Variants in SPPL3 observed in about 807,000 individuals in gnomAD.
SPPL3 encodes signal peptide peptidase-like 3.
A neutral mutation model predicts 42.4 loss-of-function variants in SPPL3; 5 were observed. That is an observed-to-expected ratio of 0.12 (90% confidence interval 0.06 to 0.25). The LOEUF (loss-of-function observed/expected upper bound fraction) is 0.25. Among genes scored for constraint, SPPL3 ranks in the 10% least tolerant of loss-of-function variants. The probability of loss-of-function intolerance (pLI) is 1.00; values close to 1 mark genes in which losing one functional copy is unlikely to be tolerated. For synonymous variants in SPPL3, 195 were observed against 181.8 expected (o/e 1.07, Z -0.58); for missense variants, 235 against 489.0 (o/e 0.48, Z 4.90).
rs113810051 is a variant in SPPL3 at position 120,775,016 on chromosome 12, A to G, written c.503-5957T>C. 4.1e-3 allele frequency among the ~76,000 whole-genome samples: 628 copies of G among 152,336 alleles called. 6 individuals are homozygous for G. Among genetic ancestry groups the G allele is most frequent in the African/African-American group, 0.014 (589 of 41,578 alleles). On this transcript the variant is annotated intron_variant, in intron 6 of 10. Coordinates refer to ENST00000353487, the MANE Select transcript of SPPL3 (RefSeq NM_139015.5). ...GTGAGTCAGGGACAAAGACAGTGACACCAAACCGAGCTCAAATGTTCTCTA... is the reference window on the plus strand; with the variant it reads ...GTGAGTCAGGGACAAAGACAGTGACGCCAAACCGAGCTCAAATGTTCTCTA...
At chr12:120,892,975 C>G (rs1228509666) in intron 1 of SPPL3, among the ~76,000 whole-genome samples, 2 of 88,406 alleles carry the variant, frequency 2.3e-5, no homozygotes, top group Non-Finnish European at 4.4e-5. Context: ...GAGCAAGACT[C>G]TGTCTCGGGA....
intron 1 of SPPL3, among the ~76,000 whole-genome samples, chr12:120,893,310 C>T (rs947492560): frequency 2.6e-5 from 4 of 151,824 alleles, no homozygotes; most frequent in African/African-American, 9.7e-5. Flanking sequence ...ATTATCCAGG[C>T]GTGGCGGCGG....
At chr12:120,765,729 T>G (rs1022900463) in intron 10 of SPPL3, among the ~76,000 whole-genome samples, 3 of 151,552 alleles carry the variant, frequency 2.0e-5, no homozygotes, top group Non-Finnish European at 4.4e-5. Context: ...AGGGCTTTTA[T>G]CAACTCTCTA....
chr12:120,898,816 G>A (rs1267340542), intron 1 of SPPL3, among the ~76,000 whole-genome samples: 6 of 152,206 alleles, frequency 3.9e-5, no homozygotes, highest in East Asian at 3.9e-4. Flanking sequence ...AGCAATGCTC[G>A]TAAAACTCTA....
chr12:120,891,978 C>T (rs897855867), intron 1 of SPPL3, among the ~76,000 whole-genome samples: 9 of 152,134 alleles, frequency 5.9e-5, no homozygotes, highest in Admixed American at 5.2e-4. Context: ...CTTTCTTTCT[C>T]TAGGTGTTGT....
At chr12:120,804,850 G>A (rs1430487141) in intron 2 of SPPL3, among the ~76,000 whole-genome samples, 3 of 152,092 alleles carry the variant, frequency 2.0e-5, no homozygotes, top group African/African-American at 7.2e-5. Context: ...CAACCCAAAC[G>A]TCTATCAGCC....
intron 1 of SPPL3, among the ~76,000 whole-genome samples, chr12:120,836,586 T>C (rs1871629310): frequency 6.6e-6 from 1 of 152,024 alleles, no homozygotes; most frequent in African/African-American, 2.4e-5. Flanking sequence ...ATCTGAAGAA[T>C]CATGAGCAAA....
intron 1 of SPPL3, among the ~76,000 whole-genome samples, chr12:120,846,135 A>AT (rs1872033536): frequency 6.6e-6 from 1 of 152,032 alleles, no homozygotes; most frequent in Admixed American, 6.6e-5. Flanking sequence ...GTCATTACTG[A>AT]TATTTTTTTT....
chr12:120,870,216 C>T (rs1039885760), intron 1 of SPPL3, among the ~76,000 whole-genome samples: 4 of 152,084 alleles, frequency 2.6e-5, no homozygotes, highest in Non-Finnish European at 2.9e-5. Context: ...GAGGCTGAGG[C>T]GGGTGGATCA....
At chr12:120,765,177 A>G in intron 10 of SPPL3, 107 bp from the exon 11 acceptor site, 1 of 1,008,568 alleles carries the variant, frequency 9.9e-7, no homozygotes, top group Non-Finnish European at 1.4e-6. Context: ...AAGTCTTCCT[A>G]TATATTGGCC....
In SPPL3 at chr12:120,797,508, T is replaced by A. The variant is rs1303058033; in HGVS notation, c.102-5951A>T. ...GTTATGAGGGTTTACATGTTTTTTT[T>A]ATTGTTTTTAAAGTTGTTTCATGTG... On this transcript the variant is annotated intron_variant, in intron 2 of 10. Coordinates refer to ENST00000353487, the MANE Select transcript of SPPL3 (RefSeq NM_139015.5). 2.6e-5 allele frequency among the ~76,000 whole-genome samples: 4 copies of A among 152,294 alleles called. No individual in the cohort carries two copies. In the South Asian group the frequency reaches 6.2e-4, roughly 24 times the overall value.
intron 1 of SPPL3, among the ~76,000 whole-genome samples, chr12:120,869,581 G>A (rs1029643599): frequency 6.6e-6 from 1 of 152,154 alleles, no homozygotes; most frequent in Non-Finnish European, 1.5e-5. Flanking sequence ...ATGCACACCA[G>A]AGAATGGTAT....
intron 1 of SPPL3, among the ~76,000 whole-genome samples, chr12:120,834,820 T>C (rs575759949): frequency 6.6e-6 from 1 of 152,330 alleles, no homozygotes; most frequent in East Asian, 1.9e-4. Flanking sequence ...GTAGGTAAAA[T>C]GTGCCAAAAC....
rs1480278598 is a variant in SPPL3, at chr12:120,872,515, AG to A, written c.23+31329del. ...ATCCAAGGGTCTCAATGCACTGAGG[AG>A]CCAACAGAGCTGGGGGAAGCTGAGG... On this transcript the variant is annotated intron_variant, in intron 1 of 10. Transcript: ENST00000353487. Among the ~76,000 whole-genome samples, 3 of 152,200 alleles carry A rather than the reference AG, an allele frequency of 2.0e-5. No individual in the cohort carries two copies. In the South Asian group the frequency reaches 6.2e-4, roughly 32 times the overall value.
intron 1 of SPPL3, among the ~76,000 whole-genome samples, chr12:120,832,403 G>A (rs776582349): frequency 7.9e-5 from 12 of 152,158 alleles, no homozygotes; most frequent in Non-Finnish European, 1.6e-4. Flanking sequence ...CAGGCACGGT[G>A]GCTCACACCT....
chr12:120,872,369 A>G (rs1019040321), intron 1 of SPPL3, among the ~76,000 whole-genome samples: 3 of 152,240 alleles, frequency 2.0e-5, no homozygotes, highest in Admixed American at 6.5e-5. Context: ...AAAAAGTAGC[A>G]CAAGACTGTG....
At chr12:120,860,970 C>T (rs888845393) in intron 1 of SPPL3, among the ~76,000 whole-genome samples, 1 of 152,158 alleles carries the variant, frequency 6.6e-6, no homozygotes, top group Non-Finnish European at 1.5e-5. Context: ...CACCTGTATA[C>T]TTTTTTCCTC....
At chr12:120,788,187 G>A (rs1418227601) in intron 3 of SPPL3, among the ~76,000 whole-genome samples, 6 of 152,166 alleles carry the variant, frequency 3.9e-5, no homozygotes, top group Non-Finnish European at 7.3e-5. Flanking sequence ...GAATGGTCAA[G>A]GTTTTTAATT....
chr12:120,783,009 A>G (rs1869595775), intron 5 of SPPL3, among the ~76,000 whole-genome samples: 1 of 152,216 alleles, frequency 6.6e-6, no homozygotes, highest in African/African-American at 2.4e-5. Flanking sequence ...GTTTGAAGTG[A>G]TAATATTAAC....
Sources: gnomAD v4.1 joint callset for allele counts (sites outside exome capture counted in the v4.1 genomes callset) on GRCh38, gnomAD v4.1.1 for gene constraint, MANE v1.5 for transcripts, NCBI Gene and HGNC (gene_info 2026-07-23, HGNC 2026-07-21) for gene names.